Variants in ADGRB3 observed in about 807,000 individuals in gnomAD.
ADGRB3 encodes brain-specific angiogenesis inhibitor 3.
ADGRB3 carries 37 observed loss-of-function variants against 193.4 expected under a neutral mutation model. The observed-to-expected ratio is 0.19, with a 90% CI of 0.15 to 0.25. ADGRB3 has a LOEUF of 0.25. Ranked by LOEUF, ADGRB3 falls within the 10% of genes least tolerant of loss-of-function variation. The pLI is 1.00. For synonymous variants in ADGRB3, 690 were observed against 644.2 expected (o/e 1.07, Z -1.08); for missense variants, 1,637 against 1,852.9 (o/e 0.88, Z 2.14).
intron 13 of ADGRB3, among the ~76,000 whole-genome samples, chr6:69,030,662 A>G (rs1770617140): frequency 6.6e-6 from 1 of 152,182 alleles, no homozygotes; most frequent in Non-Finnish European, 1.5e-5. Flanking sequence ...GAAATACCTA[A>G]TGTAGATGAT....
At chr6:68,806,029 G>A (rs558228894) in intron 3 of ADGRB3, among the ~76,000 whole-genome samples, 14 of 152,230 alleles carry the variant, frequency 9.2e-5, no homozygotes, top group Admixed American at 3.9e-4. Context: ...GAATACTGTG[G>A]CTCACGTAGT....
chr6:69,060,414 A>G (rs535060287), intron 15 of ADGRB3, among the ~76,000 whole-genome samples: 4 of 152,114 alleles, frequency 2.6e-5, no homozygotes, highest in Non-Finnish European at 5.9e-5. Context: ...CAGACCAGCC[A>G]TTCAGGGCCA....
chr6:69,005,325 T>C (rs2150281157), intron 11 of ADGRB3, among the ~76,000 whole-genome samples: 1 of 151,716 alleles, frequency 6.6e-6, no homozygotes, highest in East Asian at 1.9e-4. Context: ...TTGCCTCTTG[T>C]TGGAGTCCTT....
chr6:68,704,953 G>T (rs192344019), intron 3 of ADGRB3, among the ~76,000 whole-genome samples: 3 of 152,226 alleles, frequency 2.0e-5, no homozygotes, highest in Non-Finnish European at 4.4e-5. Context: ...AATATTTAGA[G>T]AAATACTGGG....
intron 17 of ADGRB3, among the ~76,000 whole-genome samples, chr6:69,177,209 T>A (rs1320981657): frequency 2.0e-5 from 3 of 152,160 alleles, no homozygotes; most frequent in African/African-American, 7.2e-5. Context: ...CTGGCTGTGA[T>A]GTTAGATTAC....
chr6:69,187,511 C>T (rs1765096885), intron 17 of ADGRB3, among the ~76,000 whole-genome samples: 1 of 152,144 alleles, frequency 6.6e-6, no homozygotes, highest in Admixed American at 6.6e-5. Flanking sequence ...AATTATGTGA[C>T]TTCTGTGATA....
intron 17 of ADGRB3, among the ~76,000 whole-genome samples, chr6:69,103,119 A>C (rs900715778): frequency 1.3e-5 from 2 of 152,196 alleles, no homozygotes; most frequent in Non-Finnish European, 2.9e-5. Flanking sequence ...AAAAAATCAC[A>C]AATAAAAATC....
At chr6:68,933,173 T>G (rs977228492) in intron 4 of ADGRB3, among the ~76,000 whole-genome samples, 4 of 151,930 alleles carry the variant, frequency 2.6e-5, no homozygotes, top group Non-Finnish European at 4.4e-5. Flanking sequence ...CCTAGTTACA[T>G]TTTCTTATGC....
At chr6:68,763,030 A>G (rs1473834099) in intron 3 of ADGRB3, among the ~76,000 whole-genome samples, 2 of 152,218 alleles carry the variant, frequency 1.3e-5, no homozygotes, top group Non-Finnish European at 2.9e-5. Context: ...AATTAATACT[A>G]TAACAACTAG....
intron 15 of ADGRB3, among the ~76,000 whole-genome samples, chr6:69,060,710 A>G (rs1192092394): frequency 2.6e-5 from 4 of 152,062 alleles, no homozygotes; most frequent in Admixed American, 2.6e-4. Flanking sequence ...GCAAAACCAA[A>G]CCAGAACTTA....
chr6:69,055,191 G>A (rs1191793633), intron 15 of ADGRB3, among the ~76,000 whole-genome samples: 3 of 151,904 alleles, frequency 2.0e-5, no homozygotes, highest in African/African-American at 7.3e-5. Context: ...ACTATTTTTA[G>A]TGTACAGTAC....
chr6:68,992,370 A>G (rs1769261201), intron 10 of ADGRB3, among the ~76,000 whole-genome samples: 2 of 152,188 alleles, frequency 1.3e-5, no homozygotes, highest in Admixed American at 6.5e-5. Flanking sequence ...CCTGGTACAA[A>G]GTAGAAACCA....
chr6:69,201,697 G>T (rs1361062335), intron 17 of ADGRB3, among the ~76,000 whole-genome samples: 1 of 151,884 alleles, frequency 6.6e-6, no homozygotes, highest in East Asian at 1.9e-4. Context: ...TAACCACATG[G>T]GTCTCAATGT....
chr6:69,040,307 C>CTCTTTCTCTCTT (rs1770993604), intron 13 of ADGRB3, among the ~76,000 whole-genome samples: 1 of 94,758 alleles, frequency 1.1e-5, no homozygotes, highest in African/African-American at 4.5e-5. Flanking sequence ...CTTTCTCTGT[C>CTCTTTCTCTCTT]TCTTTCTTTC....
intron 3 of ADGRB3, among the ~76,000 whole-genome samples, chr6:68,782,279 A>G (rs1432106138): frequency 6.6e-6 from 1 of 151,698 alleles, no homozygotes; most frequent in African/African-American, 2.4e-5. Context: ...AGCGTCATCT[A>G]TGTCCCTACA....
intron 17 of ADGRB3, among the ~76,000 whole-genome samples, chr6:69,218,301 T>C (rs566883131): frequency 2.4e-4 from 37 of 152,190 alleles, no homozygotes; most frequent in South Asian, 8.3e-4. Flanking sequence ...TTAGTAAATT[T>C]TTTCCATCTA....
At chr6:69,125,691 AG>A (rs1202084330) in intron 17 of ADGRB3, among the ~76,000 whole-genome samples, 1 of 152,246 alleles carries the variant, frequency 6.6e-6, no homozygotes, top group African/African-American at 2.4e-5. Context: ...TGGCCCAAAC[AG>A]GCAAAGCCAA....
chr6:69,280,117 AAT>A (rs1340747236), intron 20 of ADGRB3, among the ~76,000 whole-genome samples: 4 of 152,144 alleles, frequency 2.6e-5, no homozygotes, highest in Non-Finnish European at 5.9e-5. Context: ...GACTTGCAAA[AAT>A]ATATGTTTCT....
At chr6:69,090,480 G>A (rs1427681419) in intron 17 of ADGRB3, among the ~76,000 whole-genome samples, 1 of 152,136 alleles carries the variant, frequency 6.6e-6, no homozygotes, top group Non-Finnish European at 1.5e-5. Context: ...AGTGGATGAG[G>A]ACATAGCCAT....
Sources: allele counts gnomAD v4.1 joint callset (sites outside exome capture counted in the v4.1 genomes callset), GRCh38; gene constraint gnomAD v4.1.1; transcripts MANE v1.5; gene names NCBI Gene and HGNC (gene_info 2026-07-23, HGNC 2026-07-21).